Variants in LAMA4 observed in about 807,000 individuals in gnomAD.
LAMA4 encodes laminin subunit alpha-4.
In LAMA4, 127 loss-of-function variants were observed where a neutral mutation model predicts 207.1. The ratio of observed to expected loss-of-function variants is 0.61; its 90% CI spans 0.53 to 0.71. The LOEUF is 0.71. Among genes scored for constraint, LAMA4 ranks in the 30% least tolerant of loss-of-function variants. LAMA4 has a pLI of 0.00. For missense variants in LAMA4, 2,093 were observed against 2,246.5 expected (o/e 0.93, Z 1.38); for synonymous variants, 761 against 816.0 (o/e 0.93, Z 1.15).
chr6:112,125,237 T>C (rs192657656), intron 31 of LAMA4, among the ~76,000 whole-genome samples: 115 of 152,350 alleles, frequency 7.5e-4, no homozygotes, highest in African/African-American at 2.7e-3. Context: ...AGGAGCTTTT[T>C]TTCCTCTGTG....
At chr6:112,222,763 G>C (rs955869848) in intron 2 of LAMA4, among the ~76,000 whole-genome samples, 7 of 152,104 alleles carry the variant, frequency 4.6e-5, no homozygotes, top group African/African-American at 1.7e-4. Context: ...CAACAGCCTT[G>C]GCGTGTGTTG....
intron 9 of LAMA4, among the ~76,000 whole-genome samples, chr6:112,183,941 A>G (rs1782520126): frequency 8.1e-6 from 1 of 122,890 alleles, no homozygotes; most frequent in Non-Finnish European, 1.6e-5. Context: ...ACAAAGCGAG[A>G]CTCCATCTCA....
chr6:112,233,100 G>A (rs1227994187), intron 2 of LAMA4, among the ~76,000 whole-genome samples: 1 of 152,170 alleles, frequency 6.6e-6, no homozygotes, highest in Admixed American at 6.5e-5. Context: ...ATTCTCACTC[G>A]CAGCACGGAG....
chr6:112,232,594 T>C (rs1250052834), intron 2 of LAMA4, among the ~76,000 whole-genome samples: 1 of 152,228 alleles, frequency 6.6e-6, no homozygotes, highest in Non-Finnish European at 1.5e-5. Flanking sequence ...CTTTACAATA[T>C]ACCATCATTT....
chr6:112,194,365 C>A (rs566284410), intron 5 of LAMA4, among the ~76,000 whole-genome samples: 6 of 152,248 alleles, frequency 3.9e-5, no homozygotes, highest in African/African-American at 1.2e-4. Flanking sequence ...ATAGGAGGTC[C>A]CCTGGTCTTT....
intron 9 of LAMA4, among the ~76,000 whole-genome samples, chr6:112,181,605 T>C (rs73766951): frequency 0.042 from 6,380 of 152,264 alleles, 318 homozygotes; most frequent in African/African-American, 0.12. Context: ...ATACTCACCT[T>C]CTCTGAGAAG....
chr6:112,141,337 T>C (rs1779680339), intron 21 of LAMA4, 21 bp downstream of exon 21: 3 of 1,612,670 alleles, frequency 1.9e-6, no homozygotes, highest in Non-Finnish European at 2.5e-6. Flanking sequence ...ATATATGCCC[T>C]GTGTCATGGA....
At chr6:112,211,940 A>G (rs1161889478) in intron 3 of LAMA4, among the ~76,000 whole-genome samples, 1 of 152,098 alleles carries the variant, frequency 6.6e-6, no homozygotes, top group African/African-American at 2.4e-5. Flanking sequence ...CAGGGGATGG[A>G]TGATGAGTTG....
intron 8 of LAMA4, among the ~76,000 whole-genome samples, chr6:112,185,586 G>A (rs963878714): frequency 2.0e-5 from 3 of 152,172 alleles, no homozygotes; most frequent in African/African-American, 7.2e-5. Flanking sequence ...CTGGTCAGGG[G>A]CTGGGTTGAC....
intron 12 of LAMA4, among the ~76,000 whole-genome samples, chr6:112,168,654 C>G (rs1288938187): frequency 6.6e-6 from 1 of 152,014 alleles, no homozygotes; most frequent in African/African-American, 2.4e-5. Flanking sequence ...ATTCTTAACC[C>G]AGGGTTAAGG....
intron 7 of LAMA4, 45 bp downstream of exon 7, chr6:112,189,065 C>T: frequency 7.4e-7 from 1 of 1,346,802 alleles, no homozygotes; most frequent in Non-Finnish European, 1.1e-6. Flanking sequence ...ACCTGCAGCA[C>T]ATTAGAGAAA....
intron 2 of LAMA4, among the ~76,000 whole-genome samples, chr6:112,222,191 A>G (rs1353359765): frequency 6.6e-6 from 1 of 152,206 alleles, no homozygotes; most frequent in Non-Finnish European, 1.5e-5. Flanking sequence ...TCCCTTGGGT[A>G]TCTCTAAGCT....
chr6:112,205,799 C>G (rs1293507705), intron 4 of LAMA4, among the ~76,000 whole-genome samples: 11 of 152,080 alleles, frequency 7.2e-5, no homozygotes, highest in Non-Finnish European at 1.6e-4. Flanking sequence ...AATTTCAACC[C>G]TCCCCACCCC....
At chr6:112,171,257 T>C (rs1781692970) in intron 12 of LAMA4, among the ~76,000 whole-genome samples, 1 of 151,992 alleles carries the variant, frequency 6.6e-6, no homozygotes, top group Non-Finnish European at 1.5e-5. Context: ...CCATGAAACT[T>C]ATTTTCTAAC....
At chr6:112,160,593 A>G (rs1378260966) in intron 13 of LAMA4, among the ~76,000 whole-genome samples, 1 of 152,068 alleles carries the variant, frequency 6.6e-6, no homozygotes, top group African/African-American at 2.4e-5. Flanking sequence ...TCCACTTGAC[A>G]TTTTCCCATC....
At chr6:112,216,630 T>C (rs1351034750) in intron 2 of LAMA4, 161 bp from the exon 3 acceptor site, 2 of 662,780 alleles carry the variant, frequency 3.0e-6, no homozygotes, top group Admixed American at 2.1e-5. Flanking sequence ...AAACTATTTA[T>C]ACTACCATTC....
rs549587774 is a variant in LAMA4 at position 112,146,076 on chromosome 6, G to T, written c.2354-1143C>A. On this transcript the variant is annotated intron_variant, in intron 18 of 38. Coordinates refer to ENST00000230538, the MANE Select transcript of LAMA4 (RefSeq NM_001105206.3). ...AGGCCAAGGCTGGTGGATCACCTGA[G>T]GTCAGGAGGTTGAGACCAGCCTGGC... Among the ~76,000 whole-genome samples, 22 of 152,250 alleles carry T rather than the reference G, an allele frequency of 1.4e-4. No homozygotes were observed. The South Asian group carries it at 4.6e-3, about 32-fold the overall frequency.
intron 2 of LAMA4, among the ~76,000 whole-genome samples, chr6:112,223,195 A>T (rs532408043): frequency 1.3e-5 from 2 of 151,768 alleles, no homozygotes; most frequent in South Asian, 4.2e-4. Flanking sequence ...TTTTTTTTAC[A>T]TCTGAAAACT....
At position 112,204,271 on chromosome 6, in the gene LAMA4, A is replaced by C. The variant is rs118041933; in HGVS notation, c.423-2583T>G. On this transcript the variant is annotated intron_variant, in intron 4 of 38. Coordinates refer to ENST00000230538, the MANE Select transcript of LAMA4 (RefSeq NM_001105206.3). ...CTACCAGTTTTTATACCAGTGTATA[A>C]TAAGTGCTCGATAAATATCTGATTG... Among the ~76,000 whole-genome samples, 119 of 152,334 alleles carry C rather than the reference A, an allele frequency of 7.8e-4. No individual in the cohort carries two copies. In the East Asian group the frequency reaches 0.022, roughly 29 times the overall value.
Sources: gnomAD v4.1 joint callset for allele counts (sites outside exome capture counted in the v4.1 genomes callset) on GRCh38, gnomAD v4.1.1 for gene constraint, MANE v1.5 for transcripts, NCBI Gene and HGNC (gene_info 2026-07-23, HGNC 2026-07-21) for gene names.